Variants in ABCA3 observed in about 807,000 individuals in gnomAD.
The protein encoded by ABCA3 is ATP binding cassette subfamily A member 3.
ABCA3 carries 88 observed loss-of-function variants against 172.8 expected under a neutral mutation model. The ratio of observed to expected loss-of-function variants is 0.51; its 90% CI spans 0.43 to 0.61. The LOEUF is 0.61. ABCA3 is among the 20% of genes least tolerant of loss of function. The pLI is 0.00. For missense variants in ABCA3, 2,164 were observed against 2,301.0 expected (o/e 0.94, Z 1.22); for synonymous variants, 1,066 against 983.8 (o/e 1.08, Z -1.56).
rs762039846 is a variant in ABCA3, at chr16:2,303,999, G to A, written c.1437C>T (p.Gly479=). ...TGAAGAAGTACCAGGGCTGAGGCAC[G>A]CCGAACTGCCCTGGGAAGACGGCCT... The part of the protein sequence containing the change: ...YMEAVFPGQF[G]VPQPWYFFIM... Residue 479 remains glycine (G), a synonymous_variant, in exon 12 of 33, where the codon GGC becomes GGT. Coordinates refer to ENST00000301732, the MANE Select transcript of ABCA3 (RefSeq NM_001089.3). 13 of 1,614,156 alleles carry A rather than the reference G, an allele frequency of 8.1e-6. No homozygotes were observed. The highest frequency in any genetic ancestry group is 1.0e-5 in the Non-Finnish European group (12 of 1,180,026).
intron 10 of ABCA3, among the ~76,000 whole-genome samples, chr16:2,313,756 A>G (rs951920500): frequency 4.6e-5 from 7 of 151,052 alleles, no homozygotes; most frequent in African/African-American, 1.7e-4. Context: ...ATAGCTGGGT[A>G]TGGTGGCGGG....
rs1249346230 is a variant in ABCA3 at position 2,326,785 on chromosome 16, C to G, written c.-26-293G>C. 2.0e-5 allele frequency among the ~76,000 whole-genome samples: 3 copies of G among 152,156 alleles called. No individual in the cohort carries two copies. In the East Asian group the frequency reaches 5.8e-4, roughly 30 times the overall value. On this transcript the variant is annotated intron_variant, in intron 3 of 32. Coordinates refer to ENST00000301732, the MANE Select transcript of ABCA3 (RefSeq NM_001089.3). ...GGTGGATCACTTGAAATCAGGAGTTCGAGACAAGCCTGGCCAACATGGTGA... is the reference window on the plus strand; with the variant it reads ...GGTGGATCACTTGAAATCAGGAGTTGGAGACAAGCCTGGCCAACATGGTGA...
At chr16:2,291,506 G>T (rs1019969413) in intron 19 of ABCA3, among the ~76,000 whole-genome samples, 4 of 152,144 alleles carry the variant, frequency 2.6e-5, no homozygotes, top group Non-Finnish European at 5.9e-5. Flanking sequence ...AACGACACAG[G>T]TATCTCCCAA....
Position 2,297,351 on chromosome 16 carries a change from C to T in ABCA3, c.2241G>A (p.Ser747=), listed in dbSNP as rs148046277. The change falls in exon 17 of 33, where the codon TCG becomes TCA. Residue 747 remains serine (S), a synonymous_variant. Coordinates refer to ENST00000301732, the MANE Select transcript of ABCA3 (RefSeq NM_001089.3). The surrounding 1 kb of genome is among the most constrained non-coding windows in gnomAD (Gnocchi z 5.6). ...CACCGTATTTCTGCTTGAGGAACAG[C>T]GAGGACCCGCAGCACTGCAGCTCCC... is the stretch of plus-strand genomic sequence containing the variant. ...AKGELQCCGS[S]LFLKQKYGAG... is the part of the protein sequence containing the mutation. 2.8e-5 allele frequency: 45 copies of T among 1,611,936 alleles called. No homozygotes were observed. The African/African-American group carries it at 4.7e-4, about 17-fold the overall frequency.
chr16:2,297,586 G>C lies in ABCA3; in HGVS notation c.2053-47C>G, dbSNP rs191495687. 1.2e-6 allele frequency: 2 copies of C among 1,606,382 alleles called. No individual in the cohort carries two copies. Among genetic ancestry groups the C allele is most frequent in the South Asian group, 2.2e-5 (2 of 90,904 alleles). ...CGCGACGCTGGTAGAGCCACACCCC[G>C]GGCCCAGGCTGGCCTTGCGGTAGGC... On this transcript the variant is annotated intron_variant, in intron 16 of 32. Coordinates refer to ENST00000301732, the MANE Select transcript of ABCA3 (RefSeq NM_001089.3). The surrounding 1 kb of genome is among the most constrained non-coding windows in gnomAD (Gnocchi z 5.6).
At chr16:2,290,108 C>T (rs980874316) in intron 19 of ABCA3, among the ~76,000 whole-genome samples, 2 of 152,104 alleles carry the variant, frequency 1.3e-5, no homozygotes, top group Non-Finnish European at 2.9e-5. Context: ...ACTTGGAGCC[C>T]GTGTGAGCCC....
chr16:2,315,039 G>A (rs1174792786), intron 10 of ABCA3, among the ~76,000 whole-genome samples: 3 of 148,706 alleles, frequency 2.0e-5, no homozygotes, highest in East Asian at 2.1e-4. Context: ...CACCACACCC[G>A]GCTAATTTTT....
intron 8 of ABCA3, among the ~76,000 whole-genome samples, chr16:2,318,347 T>C (rs1260241186): frequency 6.6e-6 from 1 of 151,942 alleles, no homozygotes; most frequent in Non-Finnish European, 1.5e-5. Flanking sequence ...TCAGGCGTGG[T>C]GATGAGGAAA....
At position 2,324,397 on chromosome 16, in the gene ABCA3, G is replaced by A. The variant is rs772931816; in HGVS notation, c.447+7C>T. 35 of 1,591,166 alleles carry A rather than the reference G, an allele frequency of 2.2e-5. No individual in the cohort carries two copies. Among genetic ancestry groups the A allele is most frequent in the Admixed American group, 6.9e-5 (4 of 57,570 alleles). The stretch of plus-strand genomic sequence containing the variant: ...CTGTGACTGCTCGGCCCGGCCGCAC[G>A]TCTCACCGCCAGCGGCAGGGGCTCC... On this transcript the variant is annotated splice_region_variant and intron_variant, in intron 6 of 32. Transcript: ENST00000301732.
At chr16:2,339,804 C>A (rs892137107) in intron 1 of ABCA3, among the ~76,000 whole-genome samples, 4 of 152,274 alleles carry the variant, frequency 2.6e-5, no homozygotes, top group Non-Finnish European at 5.9e-5. Flanking sequence ...AGACACCAAG[C>A]GCCTTCCCCA....
chr16:2,278,861 T>C lies in ABCA3; in HGVS notation c.4547+82A>G. The C allele has an allele frequency of 1.9e-6, 3 of 1,581,500 alleles. No homozygotes were observed. Among genetic ancestry groups the C allele is most frequent in the South Asian group, 1.1e-5 (1 of 90,318 alleles). On this transcript the variant is annotated intron_variant, in intron 29 of 32. Coordinates refer to ENST00000301732, the MANE Select transcript of ABCA3 (RefSeq NM_001089.3). This position sits in a 1 kb window ranked among gnomAD's most constrained non-coding sequence, Gnocchi z 4.4. ...CAAGCAGGAGCTCTGGCTGCTGACCTGAGCGGTCACTCCCAGCTCTATGCT... is the reference window on the plus strand; with the variant it reads ...CAAGCAGGAGCTCTGGCTGCTGACCCGAGCGGTCACTCCCAGCTCTATGCT...
intron 1 of ABCA3, among the ~76,000 whole-genome samples, chr16:2,330,943 C>T (rs1428105761): frequency 6.6e-6 from 1 of 151,998 alleles, no homozygotes; most frequent in Non-Finnish European, 1.5e-5. Flanking sequence ...CCTGGAACAT[C>T]ACCCTTTTGC....
chr16:2,305,618 C>G (rs2093696460), intron 11 of ABCA3, among the ~76,000 whole-genome samples: 1 of 152,088 alleles, frequency 6.6e-6, no homozygotes, highest in Non-Finnish European at 1.5e-5. Flanking sequence ...TTAGTAGAGA[C>G]AGGGTTTCGC....
Position 2,295,590 on chromosome 16 carries a change from C to A in ABCA3, c.2414G>T (p.Arg805Met). The change falls in exon 18 of 33, where the codon AGG becomes ATG. Residue 805 changes from arginine (R) to methionine (M), a missense_variant and splice_region_variant. Physicochemically the swap from Arg to Met is moderately conservative, Grantham distance 91 (BLOSUM62 -1). Around this residue, in one of 3 missense-constraint regions of ABCA3, gnomAD observed 1,343 missense variants for 1,369.6 expected, o/e 0.98. Coordinates refer to ENST00000301732, the MANE Select transcript of ABCA3 (RefSeq NM_001089.3). ...TGCGTGCCCTCCCTGGGAGGCGTAC[C>A]TGTGCGTGCTCTCTCTGGGAAGGAT... ...SFILPRESTH[R>M]FEGLFAKLEK... The A allele has an allele frequency of 6.2e-7, 1 of 1,613,004 alleles. No individual in the cohort carries two copies. Among genetic ancestry groups the A allele is most frequent in the Non-Finnish European group, 8.5e-7 (1 of 1,180,036 alleles).
chr16:2,325,116 G>A (rs1016040251), intron 5 of ABCA3, among the ~76,000 whole-genome samples: 2 of 152,136 alleles, frequency 1.3e-5, no homozygotes, highest in African/African-American at 2.4e-5. Flanking sequence ...GTTTAGGAAC[G>A]GTGAGCAGCA....
chr16:2,299,693 C>T (rs529306397), intron 13 of ABCA3, among the ~76,000 whole-genome samples, 161 bp from the exon 14 acceptor site: 2 of 152,210 alleles, frequency 1.3e-5, no homozygotes, highest in Non-Finnish European at 2.9e-5. Context: ...CTGCTCCTGG[C>T]TGCTCCCCTC....
Position 2,287,390 on chromosome 16 carries a change from C to T in ABCA3, c.3005-423G>A, listed in dbSNP as rs2093664786. 6.6e-6 allele frequency among the ~76,000 whole-genome samples: 1 copy of T among 152,110 alleles called. No homozygotes were observed. Among genetic ancestry groups the T allele is most frequent in the Non-Finnish European group, 1.5e-5 (1 of 68,022 alleles). On this transcript the variant is annotated intron_variant, in intron 21 of 32. Coordinates refer to ENST00000301732, the MANE Select transcript of ABCA3 (RefSeq NM_001089.3). The surrounding 1 kb of genome is among the most constrained non-coding windows in gnomAD (Gnocchi z 4.1). ...CACCGCCCAGGTTCAAGCCATTCTC[C>T]TGCCTCAGCCTCCAGAGTAGCTGGG...
rs565777051 is a variant in ABCA3, at chr16:2,286,730, C to A, written c.3242G>T (p.Arg1081Leu). Residue 1081 changes from arginine to leucine, a missense_variant, in exon 22 of 33, where the codon CGG becomes CTG. Transcript: ENST00000301732. This position sits in a 1 kb window ranked among gnomAD's most constrained non-coding sequence, Gnocchi z 5.2. ...GTCCTTGGCAGCCTGCAGGGCGCTC[C>A]GGGGCTGGGGGAAGTTGGAGACCAC... The part of the protein sequence containing the change: ...SIVVSNFPQP[R>L]SALQAAKDQF... 6.2e-7 allele frequency: 1 copy of A among 1,613,734 alleles called. No individual in the cohort carries two copies.
intron 7 of ABCA3, among the ~76,000 whole-genome samples, chr16:2,322,820 C>T (rs927448006): frequency 1.3e-5 from 2 of 151,882 alleles, no homozygotes; most frequent in Non-Finnish European, 2.9e-5. Flanking sequence ...TAATTAAACT[C>T]AAGAGCTTCT....
Sources: gnomAD v4.1 joint callset for allele counts (sites outside exome capture counted in the v4.1 genomes callset) on GRCh38, gnomAD v4.1.1 for gene constraint, gnomAD v4.1.1 regional missense constraint, Gnocchi (gnomAD v3.1) non-coding constraint, MANE v1.5 for transcripts, NCBI Gene and HGNC (gene_info 2026-07-23, HGNC 2026-07-21) for gene names.